Variants in PACRG observed in about 807,000 individuals in gnomAD.
PACRG encodes parkin coregulated gene protein.
In PACRG, 29 loss-of-function variants were observed where a neutral mutation model predicts 29.7. The observed-to-expected ratio is 0.98, with a 90% CI of 0.73 to 1.33. PACRG has a LOEUF of 1.33. Among genes scored for constraint, PACRG ranks in the 40% most tolerant of loss-of-function variants. The pLI is 0.00. For synonymous variants in PACRG, 116 were observed against 118.7 expected, an observed-to-expected ratio of 0.98 and a Z score of 0.15; for missense variants, 279 against 316.2, an observed-to-expected ratio of 0.88 and a Z score of 0.89.
chr6:163,248,183 T>C (rs1782763702), intron 4 of PACRG, among the ~76,000 whole-genome samples: 1 of 152,222 alleles, frequency 6.6e-6, no homozygotes, highest in South Asian at 2.1e-4. Context: ...TGTTGAATGT[T>C]GCATGGGTGG....
At chr6:162,940,794 C>T (rs1798564037) in intron 2 of PACRG, among the ~76,000 whole-genome samples, 1 of 152,118 alleles carries the variant, frequency 6.6e-6, no homozygotes, top group Non-Finnish European at 1.5e-5. Flanking sequence ...AAGATGACAA[C>T]AACAGTTTTT....
At chr6:163,161,760 G>A (rs747405129) in intron 4 of PACRG, among the ~76,000 whole-genome samples, 5 of 152,074 alleles carry the variant, frequency 3.3e-5, no homozygotes, top group East Asian at 1.9e-4. Context: ...CTCTGACATC[G>A]GGGTTCAAGT....
intron 1 of PACRG, among the ~76,000 whole-genome samples, chr6:162,739,553 A>G (rs1480093668): frequency 6.6e-6 from 1 of 152,090 alleles, no homozygotes; most frequent in African/African-American, 2.4e-5. Flanking sequence ...TTTTTAAAAA[A>G]TTTTTGTCGG....
intron 1 of PACRG, among the ~76,000 whole-genome samples, chr6:162,796,079 T>A (rs1358528975): frequency 6.6e-6 from 1 of 152,188 alleles, no homozygotes; most frequent in Non-Finnish European, 1.5e-5. Flanking sequence ...TACCTAATTG[T>A]ACTGGCTAGT....
chr6:163,052,600 C>T (rs1286384591), intron 2 of PACRG, among the ~76,000 whole-genome samples: 1 of 152,110 alleles, frequency 6.6e-6, no homozygotes, highest in Non-Finnish European at 1.5e-5. Context: ...TGAGTGAATT[C>T]TCCTTGGCCT....
chr6:163,202,138 G>A (rs1178528187), intron 4 of PACRG, among the ~76,000 whole-genome samples: 1 of 152,148 alleles, frequency 6.6e-6, no homozygotes, highest in Non-Finnish European at 1.5e-5. Flanking sequence ...TCCTGTCCCG[G>A]CCGGCTGCTG....
intron 2 of PACRG, among the ~76,000 whole-genome samples, chr6:162,817,003 C>A (rs539755206): frequency 6.6e-6 from 1 of 152,298 alleles, no homozygotes; most frequent in Admixed American, 6.5e-5. Context: ...TCTCAACTCT[C>A]CTCAGACACC....
chr6:162,754,273 GTA>G (rs1781730365), intron 1 of PACRG, among the ~76,000 whole-genome samples: 1 of 152,026 alleles, frequency 6.6e-6, no homozygotes, highest in Non-Finnish European at 1.5e-5. Flanking sequence ...TCAGCCATTT[GTA>G]TCTCTTTTTT....
rs567857344 is a variant in PACRG, at chr6:162,905,064, G to A, written c.291+90783G>A. 2.0e-5 allele frequency among the ~76,000 whole-genome samples: 3 copies of A among 152,292 alleles called. No homozygotes were observed. In the East Asian group the frequency reaches 5.8e-4, roughly 30 times the overall value. The stretch of plus-strand genomic sequence containing the variant: ...GAGAAGAGAGACAGGGGGAATTCAT[G>A]AATTGGGCATCAGGAAAAGCCTCCT... On this transcript the variant is annotated intron_variant, in intron 2 of 4. Coordinates refer to ENST00000366888, the MANE Select transcript of PACRG (RefSeq NM_001080379.2).
intron 2 of PACRG, among the ~76,000 whole-genome samples, chr6:162,961,477 C>G (rs1476953421): frequency 6.6e-6 from 1 of 152,178 alleles, no homozygotes; most frequent in Non-Finnish European, 1.5e-5. Flanking sequence ...GCAGATCCAT[C>G]TCCTCCTGCA....
chr6:162,909,296 C>G (rs1030218539), intron 2 of PACRG, among the ~76,000 whole-genome samples: 1 of 152,102 alleles, frequency 6.6e-6, no homozygotes, highest in Non-Finnish European at 1.5e-5. Flanking sequence ...GGGCTCATGC[C>G]TGTAATCCCA....
chr6:162,912,641 A>G (rs1562725468), intron 2 of PACRG, among the ~76,000 whole-genome samples: 1 of 147,844 alleles, frequency 6.8e-6, no homozygotes, highest in Non-Finnish European at 1.5e-5. Flanking sequence ...GCGCAATCTC[A>G]GCTCAGTGCA....
chr6:163,236,306 C>T (rs1021806251), intron 4 of PACRG, among the ~76,000 whole-genome samples: 2 of 135,520 alleles, frequency 1.5e-5, no homozygotes, highest in Non-Finnish European at 3.3e-5. Context: ...CTTGAGCTGG[C>T]CTTCTTCTGA....
At chr6:162,880,410 A>T (rs1793734218) in intron 2 of PACRG, among the ~76,000 whole-genome samples, 1 of 152,206 alleles carries the variant, frequency 6.6e-6, no homozygotes, top group African/African-American at 2.4e-5. Flanking sequence ...CAACTCTAGC[A>T]TGTATTTCTG....
intron 2 of PACRG, among the ~76,000 whole-genome samples, chr6:162,826,079 T>G (rs1455117123): frequency 6.6e-6 from 1 of 152,208 alleles, no homozygotes; most frequent in Admixed American, 6.5e-5. Context: ...CATCTTGAGA[T>G]GTAATCTTTC....
intron 1 of PACRG, among the ~76,000 whole-genome samples, 160 bp from the exon 2 acceptor site, chr6:162,813,987 T>C (rs13199893): frequency 0.35 from 53,689 of 152,014 alleles, 11,127 homozygotes; most frequent in African/African-American, 0.56. Flanking sequence ...TTCCCAGGTG[T>C]TTGTATTAAC....
chr6:163,103,934 G>T (rs1400922268), intron 4 of PACRG, among the ~76,000 whole-genome samples: 2 of 152,172 alleles, frequency 1.3e-5, no homozygotes, highest in Non-Finnish European at 2.9e-5. Flanking sequence ...AAATAAGCAG[G>T]TCCTCCTTCC....
intron 4 of PACRG, among the ~76,000 whole-genome samples, chr6:163,244,327 G>A (rs1037244498): frequency 1.5e-4 from 23 of 152,086 alleles, no homozygotes; most frequent in Admixed American, 6.5e-5. Flanking sequence ...GAGCTTCATC[G>A]AGGATCTGTG....
Position 163,199,824 on chromosome 6 carries a change from G to A in PACRG, c.613+110416G>A, listed in dbSNP as rs1380713778. On this transcript the variant is annotated intron_variant, in intron 4 of 4. Transcript: ENST00000366888. ...TTGTTTGTTGTGTGTCTGTGTTTGTGTATGTGTACAGATATGTATCTACGT... is the reference window on the plus strand; with the variant it reads ...TTGTTTGTTGTGTGTCTGTGTTTGTATATGTGTACAGATATGTATCTACGT... Among the ~76,000 whole-genome samples, 4 of 152,164 alleles carry A rather than the reference G, an allele frequency of 2.6e-5. No homozygotes were observed. The East Asian group carries it at 7.7e-4, about 29-fold the overall frequency.
Sources: gnomAD v4.1 joint callset for allele counts (sites outside exome capture counted in the v4.1 genomes callset) on GRCh38, gnomAD v4.1.1 for gene constraint, MANE v1.5 for transcripts, NCBI Gene and HGNC (gene_info 2026-07-23, HGNC 2026-07-21) for gene names.